The following DIAPH2 variants were observed in gnomAD, a reference collection of about 807,000 sequenced individuals.
DIAPH2 encodes the protein diaphanous related formin 2.
In DIAPH2, 35 loss-of-function variants were observed where a neutral mutation model predicts 92.7. That is an observed-to-expected ratio of 0.38 (90% confidence interval 0.29 to 0.50). The LOEUF is 0.50. DIAPH2 is among the 20% of genes least tolerant of loss of function. The pLI is 0.94. For synonymous variants in DIAPH2, 301 were observed against 280.4 expected (o/e 1.07, Z -0.73); for missense variants, 701 against 819.5 (o/e 0.86, Z 1.77).
intron 26 of DIAPH2, among the ~76,000 whole-genome samples, chrX:97,433,344 C>G (rs1413159235): frequency 9.1e-6 from 1 of 109,780 alleles, no homozygotes; most frequent in Non-Finnish European, 1.9e-5. Context: ...AACCCCATCT[C>G]TACAAAAAAA....
chrX:97,362,596 A>G (rs1351867235), intron 24 of DIAPH2, among the ~76,000 whole-genome samples: 6 of 111,978 alleles, frequency 5.4e-5, no homozygotes, highest in Non-Finnish European at 1.1e-4. Flanking sequence ...TCTTTTTCTC[A>G]TTCATTCATT....
At chrX:97,225,655 C>G (rs924850531) in intron 22 of DIAPH2, among the ~76,000 whole-genome samples, 6 of 111,624 alleles carry the variant, frequency 5.4e-5, no homozygotes, top group African/African-American at 2.0e-4. Flanking sequence ...TCTCTCCTTT[C>G]TACAACATAG....
chrX:97,432,259 T>C (rs1268677120), intron 26 of DIAPH2, among the ~76,000 whole-genome samples: 3 of 110,897 alleles, frequency 2.7e-5, no homozygotes, highest in African/African-American at 9.8e-5. Flanking sequence ...AGCTCTACCA[T>C]TGTGTTTCTA....
chrX:97,070,072 G>A (rs1444328076), intron 17 of DIAPH2, among the ~76,000 whole-genome samples: 1 of 110,899 alleles, frequency 9.0e-6, no homozygotes, highest in African/African-American at 3.3e-5. Flanking sequence ...TAATATAAAT[G>A]TCTTCATTAT....
At chrX:97,565,158 G>GTA (rs2071317910) in intron 26 of DIAPH2, among the ~76,000 whole-genome samples, 1 of 111,409 alleles carries the variant, frequency 9.0e-6, no homozygotes, top group Non-Finnish European at 1.9e-5. Context: ...ATGCCATCTG[G>GTA]TATGGGGGTC....
At chrX:97,318,482 C>CTTTTTTTTTTTTTTT (rs745350367) in intron 23 of DIAPH2, among the ~76,000 whole-genome samples, 17 of 46,322 alleles carry the variant, frequency 3.7e-4, no homozygotes, top group East Asian at 6.0e-4. Flanking sequence ...TTTTTCTTTA[C>CTTTTTTTTTTTTTTT]TTTTTTTTTT....
At chrX:97,595,695 C>T (rs1304403358) in intron 26 of DIAPH2, among the ~76,000 whole-genome samples, 6 of 109,894 alleles carry the variant, frequency 5.5e-5, no homozygotes, top group Non-Finnish European at 9.5e-5. Context: ...GGCAATGGCA[C>T]GATCTCTGCT....
intron 3 of DIAPH2, among the ~76,000 whole-genome samples, chrX:96,757,080 G>T (rs1297915060): frequency 9.2e-6 from 1 of 108,443 alleles, no homozygotes; most frequent in Non-Finnish European, 1.9e-5. Context: ...ACCACGCCTG[G>T]CTAATTTTTT....
At chrX:96,857,895 A>G (rs1343999822) in intron 4 of DIAPH2, among the ~76,000 whole-genome samples, 1 of 112,545 alleles carries the variant, frequency 8.9e-6, no homozygotes, top group African/African-American at 3.2e-5. Flanking sequence ...CTTGTTGTAT[A>G]ATGTAAGGTA....
chrX:96,742,922 C>T (rs773406090), intron 3 of DIAPH2, among the ~76,000 whole-genome samples: 4 of 112,132 alleles, frequency 3.6e-5, no homozygotes, highest in Non-Finnish European at 5.6e-5. Flanking sequence ...CCTTGGCCTC[C>T]CAAAGCGTTG....
intron 26 of DIAPH2, among the ~76,000 whole-genome samples, chrX:97,542,816 CA>C (rs973621963): frequency 9.0e-6 from 1 of 110,871 alleles, no homozygotes; most frequent in Non-Finnish European, 1.9e-5. Flanking sequence ...AACTCAGTAG[CA>C]AAAACATAAC....
intron 23 of DIAPH2, among the ~76,000 whole-genome samples, chrX:97,332,383 A>G (rs1291391493): frequency 8.9e-6 from 1 of 111,818 alleles, no homozygotes; most frequent in African/African-American, 3.2e-5. Flanking sequence ...ATTGGCTCTT[A>G]TCTTTATTAG....
intron 22 of DIAPH2, among the ~76,000 whole-genome samples, chrX:97,159,680 A>G (rs989046817): frequency 1.8e-5 from 2 of 112,404 alleles, no homozygotes; most frequent in Non-Finnish European, 3.8e-5. Flanking sequence ...CAGATTTTTT[A>G]AAATGAAAAT....
chrX:97,225,351 T>C (rs1252381508), intron 22 of DIAPH2, among the ~76,000 whole-genome samples: 2 of 111,543 alleles, frequency 1.8e-5, no homozygotes, highest in Non-Finnish European at 3.8e-5. Context: ...CCTTCGTGTA[T>C]GGGTTATATG....
rs778303710 is a variant in DIAPH2, at chrX:97,506,937, A to G, written c.3241+77192A>G. 3.6e-5 allele frequency among the ~76,000 whole-genome samples: 4 copies of G among 111,430 alleles called. No homozygotes were observed. The South Asian group carries it at 1.1e-3, about 31-fold the overall frequency. On this transcript the variant is annotated intron_variant, in intron 26 of 26. Coordinates refer to ENST00000324765, the MANE Select transcript of DIAPH2 (RefSeq NM_006729.5). ...GACCTAGATCAGGGGTTTGCCAACT[A>G]TGGTCAGTGGGCCAAATCCAGCCCA...
chrX:97,190,265 A>G (rs1273598385), intron 22 of DIAPH2, among the ~76,000 whole-genome samples: 1 of 112,440 alleles, frequency 8.9e-6, no homozygotes, highest in Non-Finnish European at 1.9e-5. Context: ...TTATAGTGGC[A>G]TGGGCCATCA....
chrX:97,321,930 T>C lies in DIAPH2; in HGVS notation c.2845-26186T>C, dbSNP rs186234482. Among the ~76,000 whole-genome samples the C allele has an allele frequency of 1.3e-4, 15 of 112,407 alleles. No homozygotes were observed. In the East Asian group the frequency reaches 4.2e-3, roughly 31 times the overall value. ...GCTGAGAATCATCTTAGAAACTGTT[T>C]TGATTTCAGGCATATATATACAAAT... On this transcript the variant is annotated intron_variant, in intron 23 of 26. Transcript: ENST00000324765.
intron 25 of DIAPH2, among the ~76,000 whole-genome samples, chrX:97,402,160 A>G (rs1041299216): frequency 2.2e-4 from 24 of 111,285 alleles, no homozygotes; most frequent in Admixed American, 1.8e-3. Flanking sequence ...TAAAACTAAA[A>G]CATGCTAGAA....
At chrX:96,866,914 A>G (rs1176600939) in intron 4 of DIAPH2, among the ~76,000 whole-genome samples, 1 of 112,227 alleles carries the variant, frequency 8.9e-6, no homozygotes, top group Non-Finnish European at 1.9e-5. Context: ...ACCATGAAAA[A>G]GTATTATTTC....
Sources: gnomAD v4.1 joint callset for allele counts (sites outside exome capture counted in the v4.1 genomes callset) on GRCh38, gnomAD v4.1.1 for gene constraint, MANE v1.5 for transcripts, NCBI Gene and HGNC (gene_info 2026-07-23, HGNC 2026-07-21) for gene names.